Variants in HERC5 observed in about 807,000 individuals in gnomAD.
HERC5 encodes HECT and RLD domain containing E3 ubiquitin protein ligase 5.
A neutral mutation model predicts 119.6 loss-of-function variants in HERC5; 99 were observed. The ratio of observed to expected loss-of-function variants is 0.83; its 90% CI spans 0.70 to 0.98. The LOEUF (loss-of-function observed/expected upper bound fraction) is 0.98, where lower values mean the gene tolerates loss of function less well. HERC5 is among the 50% of genes least tolerant of loss of function. HERC5 has a pLI of 0.00. For synonymous variants in HERC5, 478 were observed against 445.9 expected (o/e 1.07, Z -0.91); for missense variants, 1,267 against 1,241.3 (o/e 1.02, Z -0.31).
chr4:88,463,631 T>C lies in HERC5; in HGVS notation c.780+8T>C, dbSNP rs749884954. The C allele has an allele frequency of 3.7e-6, 6 of 1,605,290 alleles. No homozygotes were observed. The Admixed American group carries it at 8.5e-5, about 23-fold the overall frequency. ...AGTGCCCTACTCACACAGGTGGGTG[T>C]ACCCTTGTCTCTTTTTGGCTGTATT... On this transcript the variant is annotated splice_region_variant and intron_variant, in intron 5 of 22. Coordinates refer to ENST00000264350, the MANE Select transcript of HERC5 (RefSeq NM_016323.4).
chr4:88,485,794 A>T (rs1371771366), intron 13 of HERC5, among the ~76,000 whole-genome samples: 1 of 152,016 alleles, frequency 6.6e-6, no homozygotes, highest in East Asian at 1.9e-4. Flanking sequence ...AGACTAAGAC[A>T]TGAAGAACTG....
chr4:88,461,197 C>G (rs1740430361), intron 3 of HERC5, among the ~76,000 whole-genome samples: 1 of 152,062 alleles, frequency 6.6e-6, no homozygotes, highest in African/African-American at 2.4e-5. Context: ...ATAGTATGAA[C>G]TTGTATTGGA....
intron 1 of HERC5, chr4:88,458,227 T>A: frequency 1.2e-5 from 4 of 333,760 alleles, no homozygotes; most frequent in Non-Finnish European, 1.7e-5. Context: ...GTCGTACATG[T>A]AATATTTTTC....
chr4:88,496,323 A>AC (rs1741794038), intron 18 of HERC5, among the ~76,000 whole-genome samples: 1 of 152,318 alleles, frequency 6.6e-6, no homozygotes, highest in East Asian at 1.9e-4. Context: ...ATATGGATGA[A>AC]CAAAGGGTCA....
chr4:88,483,518 GC>G (rs1741353573), intron 13 of HERC5, among the ~76,000 whole-genome samples: 1 of 137,838 alleles, frequency 7.3e-6, no homozygotes, highest in Non-Finnish European at 1.6e-5. Context: ...GGCTCTATAG[GC>G]TTTTTTTTTT....
At chr4:88,500,238 G>A (rs1741909253) in intron 19 of HERC5, among the ~76,000 whole-genome samples, 1 of 152,212 alleles carries the variant, frequency 6.6e-6, no homozygotes, top group Non-Finnish European at 1.5e-5. Flanking sequence ...ACTTGGCCAG[G>A]CTGGATGGTC....
intron 13 of HERC5, among the ~76,000 whole-genome samples, chr4:88,483,623 G>T (rs1489558913): frequency 6.6e-6 from 1 of 151,260 alleles, no homozygotes; most frequent in African/African-American, 2.4e-5. Context: ...CTGCCTCCTG[G>T]GTTCAAGCTA....
intron 17 of HERC5, among the ~76,000 whole-genome samples, chr4:88,493,758 C>A (rs1403087575): frequency 6.6e-6 from 1 of 151,932 alleles, no homozygotes; most frequent in Non-Finnish European, 1.5e-5. Flanking sequence ...GGATTACAGG[C>A]TCCTGCCAAC....
In HERC5 at chr4:88,487,173, AAT is replaced by A. The variant is rs750524329; in HGVS notation, c.1958_1959del (p.Ile653ArgfsTer3). ...TACTACATACAGACACACTTTTAAA[AAT>A]AGAGGTATGTATGCCTATTTGTCTT... ...KLLHTDTLLK[I>X]ESKKHKAYLR... is the part of the protein sequence containing the mutation. On this transcript the variant is annotated frameshift_variant, in exon 15 of 23. Coordinates refer to ENST00000264350, the MANE Select transcript of HERC5 (RefSeq NM_016323.4). LOFTEE classifies it high-confidence loss of function. 6.6e-7 allele frequency: 1 copy of A among 1,522,654 alleles called. No individual in the cohort carries two copies. The highest frequency in any genetic ancestry group is 9.1e-7 in the Non-Finnish European group (1 of 1,097,988). The allele number at this position is 1,522,654 out of a possible 1,614,324, so 94.3% of individuals were successfully genotyped here.
At chr4:88,470,551 A>G in intron 9 of HERC5, 63 bp from the exon 10 acceptor site, 1 of 818,578 alleles carries the variant, frequency 1.2e-6, no homozygotes, top group Non-Finnish European at 2.1e-6. Flanking sequence ...TGCTGTAAAG[A>G]AAGAGGCTGT....
intron 9 of HERC5, among the ~76,000 whole-genome samples, chr4:88,469,508 T>G (rs535525957): frequency 6.6e-6 from 1 of 152,264 alleles, no homozygotes; most frequent in South Asian, 2.1e-4. Flanking sequence ...GGCTGGCAAG[T>G]CCAAAATCTG....
chr4:88,500,994 A>C lies in HERC5; in HGVS notation c.2582+9A>C. The C allele has an allele frequency of 6.3e-7, 1 of 1,587,874 alleles. No homozygotes were observed. The highest frequency in any genetic ancestry group is 8.6e-7 in the Non-Finnish European group (1 of 1,161,192). ...GTCAACCAGACTAACAAGTAGGTAC[A>C]AAAAATGAAATAGTTGGTTTGTATA... On this transcript the variant is annotated intron_variant, in intron 20 of 22. Coordinates refer to ENST00000264350, the MANE Select transcript of HERC5 (RefSeq NM_016323.4).
In HERC5 at chr4:88,504,294, A is replaced by C; in HGVS notation, c.2645A>C (p.Glu882Ala). 6.2e-7 allele frequency: 1 copy of C among 1,613,058 alleles called. No homozygotes were observed. The highest frequency in any genetic ancestry group is 8.5e-7 in the Non-Finnish European group (1 of 1,179,070). ...AACGACTCTGTAAAGGCGGTTTATG[A>C]AGAATTTCGGAGAGGATTTTATAAA... The part of the protein sequence containing the change: ...IFNDSVKAVY[E>A]EFRRGFYKMC... The change falls in exon 21 of 23, where the codon GAA (glutamate) becomes GCA (alanine). Residue 882 changes from glutamate (E) to alanine (A), a missense_variant. Physicochemically the swap from Glu to Ala is moderately radical, Grantham distance 107. Around this residue, in one of 3 missense-constraint regions of HERC5, gnomAD observed 473 missense variants for 445.7 expected, o/e 1.06. Transcript: ENST00000264350.
chr4:88,500,467 C>G (rs996742338), intron 19 of HERC5, among the ~76,000 whole-genome samples: 2 of 152,242 alleles, frequency 1.3e-5, no homozygotes, highest in African/African-American at 4.8e-5. Context: ...CTGCTTCTGT[C>G]AGATCCCATT....
chr4:88,489,714 A>G (rs937868656), intron 16 of HERC5, among the ~76,000 whole-genome samples: 1 of 152,098 alleles, frequency 6.6e-6, no homozygotes, highest in Admixed American at 6.6e-5. Flanking sequence ...TTCTTATGCA[A>G]TAACCTAAAT....
chr4:88,481,615 C>T (rs768593007), intron 13 of HERC5, among the ~76,000 whole-genome samples: 1 of 152,036 alleles, frequency 6.6e-6, no homozygotes, highest in Non-Finnish European at 1.5e-5. Context: ...AATCAGGGGT[C>T]GGCAGCTTTT....
chr4:88,487,754 C>T (rs990106720), intron 15 of HERC5, among the ~76,000 whole-genome samples: 1 of 152,026 alleles, frequency 6.6e-6, no homozygotes, highest in Admixed American at 6.6e-5. Context: ...TTTTACCAAC[C>T]ATTAACAAAA....
At chr4:88,469,901 A>C (rs750691497) in intron 9 of HERC5, among the ~76,000 whole-genome samples, 1 of 152,092 alleles carries the variant, frequency 6.6e-6, no homozygotes, top group Non-Finnish European at 1.5e-5. Context: ...GCCTCTGTTT[A>C]TGTATATTGT....
At chr4:88,476,589 A>G (rs1380706176) in intron 12 of HERC5, among the ~76,000 whole-genome samples, 1 of 152,240 alleles carries the variant, frequency 6.6e-6, no homozygotes, top group Non-Finnish European at 1.5e-5. Context: ...AGTTGAAGAC[A>G]TGAGATTTCA....
Sources: gnomAD v4.1 joint callset for allele counts (sites outside exome capture counted in the v4.1 genomes callset) on GRCh38, gnomAD v4.1.1 for gene constraint, gnomAD v4.1.1 regional missense constraint, MANE v1.5 for transcripts, NCBI Gene and HGNC (gene_info 2026-07-23, HGNC 2026-07-21) for gene names.